The following SLC9D1 variants were observed in gnomAD, a reference collection of about 807,000 sequenced individuals.
SLC9D1 encodes solute carrier family 9 member D1, also known as putative LAG1-interacting protein.
chr13:113,509,669 C>A, the SLC9D1 span, among the ~76,000 whole-genome samples: 1 of 152,240 alleles, frequency 6.6e-6, no homozygotes, highest in Non-Finnish European at 1.5e-5. Flanking sequence ...ATGAGCACTT[C>A]ACGTGGAATA....
At chr13:113,503,653 C>T in the SLC9D1 span, 7 of 910,946 alleles carry the variant, frequency 7.7e-6, no homozygotes, top group Admixed American at 2.1e-5. Flanking sequence ...TTGGTTCATA[C>T]ACTTTTAACA....
At chr13:113,549,099 C>T in the SLC9D1 span, among the ~76,000 whole-genome samples, 1 of 152,188 alleles carries the variant, frequency 6.6e-6, no homozygotes, top group African/African-American at 2.4e-5. Context: ...CAGGACTAAC[C>T]ATGCATCACT....
the SLC9D1 span, among the ~76,000 whole-genome samples, chr13:113,502,908 C>T: frequency 6.6e-6 from 1 of 152,230 alleles, no homozygotes; most frequent in Non-Finnish European, 1.5e-5. Flanking sequence ...AAGAGGAGCG[C>T]GCCCAGCACC....
chr13:113,508,515 G>A, the SLC9D1 span, among the ~76,000 whole-genome samples: 2 of 152,218 alleles, frequency 1.3e-5, no homozygotes, highest in Non-Finnish European at 2.9e-5. Context: ...GTAGAGAAAA[G>A]AAATTCAGAG....
the SLC9D1 span, among the ~76,000 whole-genome samples, chr13:113,516,966 T>C: frequency 1.3e-5 from 2 of 152,234 alleles, no homozygotes; most frequent in African/African-American, 2.4e-5. Context: ...ACAAGCAGCG[T>C]TGGCCTCCAG....
the SLC9D1 span, among the ~76,000 whole-genome samples, chr13:113,536,994 T>G: frequency 6.6e-6 from 1 of 152,114 alleles, no homozygotes; most frequent in Non-Finnish European, 1.5e-5. Flanking sequence ...ATCTCAGGGC[T>G]CTGATGGGGG....
chr13:113,544,416 A>G, the SLC9D1 span, among the ~76,000 whole-genome samples: 1 of 151,476 alleles, frequency 6.6e-6, no homozygotes, highest in African/African-American at 2.5e-5. Context: ...GCTCCGGCCC[A>G]GGTTTCGGAG....
chr13:113,504,947 G>A, the SLC9D1 span: 1 of 152,180 alleles, frequency 6.6e-6, no homozygotes. Context: ...AGTGTTCCCT[G>A]TTCCCCACAT....
the SLC9D1 span, among the ~76,000 whole-genome samples, chr13:113,507,834 C>T: frequency 1.3e-5 from 2 of 152,236 alleles, no homozygotes; most frequent in African/African-American, 4.8e-5. Context: ...GCAGGTATAA[C>T]GTACGTGTGT....
At chr13:113,504,880 C>T in the SLC9D1 span, 1 of 152,210 alleles carries the variant, frequency 6.6e-6, no homozygotes, top group Non-Finnish European at 1.5e-5. Context: ...TCTGAGCAAC[C>T]TCCACACTGT....
chr13:113,495,734 G>A, the SLC9D1 span: 2 of 1,613,920 alleles, frequency 1.2e-6, no homozygotes, highest in Non-Finnish European at 1.7e-6. Context: ...AGTGGGTCCG[G>A]GACAGCTGCA....
the SLC9D1 span, among the ~76,000 whole-genome samples, chr13:113,536,069 A>G: frequency 6.6e-6 from 1 of 152,238 alleles, no homozygotes; most frequent in Non-Finnish European, 1.5e-5. Flanking sequence ...AGGTTAATAT[A>G]TAATTATCTC....
chr13:113,538,899 G>A, the SLC9D1 span, among the ~76,000 whole-genome samples: 2 of 152,202 alleles, frequency 1.3e-5, no homozygotes, highest in Non-Finnish European at 2.9e-5. Flanking sequence ...ATCAGCCGCC[G>A]TGGACACGCC....
chr13:113,536,737 T>G, the SLC9D1 span: 96 of 173,956 alleles, frequency 5.5e-4, no homozygotes, highest in African/African-American at 2.2e-3. Flanking sequence ...TTCTTTCCAC[T>G]GTTCAGTCTT....
chr13:113,511,448 T>C, the SLC9D1 span, among the ~76,000 whole-genome samples: 28,633 of 152,128 alleles, frequency 0.19, 3,602 homozygotes, highest in African/African-American at 0.36. Flanking sequence ...GGGACCCACA[T>C]GTGCCCTCAC....
At chr13:113,542,450 A>T in the SLC9D1 span, among the ~76,000 whole-genome samples, 1 of 152,228 alleles carries the variant, frequency 6.6e-6, no homozygotes, top group Non-Finnish European at 1.5e-5. Flanking sequence ...GATCACCTTC[A>T]GGGGAGAATG....
the SLC9D1 span, among the ~76,000 whole-genome samples, chr13:113,546,234 C>T: frequency 7.2e-5 from 11 of 152,036 alleles, no homozygotes; most frequent in Non-Finnish European, 1.2e-4. The surrounding 1 kb of genome is among the most constrained non-coding windows in gnomAD (Gnocchi z 7.1). Flanking sequence ...GGCAGAGGCA[C>T]AGACATCCTG....
the SLC9D1 span, chr13:113,503,541 A>G: frequency 6.2e-7 from 1 of 1,613,708 alleles, no homozygotes. Flanking sequence ...GGTGTTTTTT[A>G]CTCTTTTTCT....
the SLC9D1 span, chr13:113,498,584 T>C: frequency 1.5e-5 from 19 of 1,291,350 alleles, no homozygotes; most frequent in Non-Finnish European, 2.0e-5. Context: ...GAAGACATGT[T>C]GTTGAAATTG....
Sources: gnomAD v4.1 joint callset for allele counts (sites outside exome capture counted in the v4.1 genomes callset) on GRCh38, gnomAD v4.1.1 for gene constraint, Gnocchi (gnomAD v3.1) non-coding constraint, MANE v1.5 for transcripts, NCBI Gene and HGNC (gene_info 2026-07-23, HGNC 2026-07-21) for gene names.